The following GNA14 variants were observed in gnomAD, a reference collection of about 807,000 sequenced individuals.
The protein encoded by GNA14 is G protein subunit alpha 14.
In GNA14, 50 loss-of-function variants were observed where a neutral mutation model predicts 42.0. The ratio of observed to expected loss-of-function variants is 1.19; its 90% CI spans 0.95 to 1.51. GNA14 has a LOEUF of 1.51. GNA14 is among the 40% of genes most tolerant of loss of function. The pLI, the probability that GNA14 is intolerant of heterozygous loss-of-function variation, is 0.00. For missense variants in GNA14, 473 were observed against 446.2 expected (o/e 1.06, Z -0.54); for synonymous variants, 173 against 163.1 (o/e 1.06, Z -0.46).
chr9:77,558,247 A>G (rs1240598595), intron 1 of GNA14, among the ~76,000 whole-genome samples: 1 of 152,144 alleles, frequency 6.6e-6, no homozygotes, highest in Non-Finnish European at 1.5e-5. Context: ...TGAAATCTGC[A>G]CTTTCACATT....
chr9:77,448,923 G>A (rs1258432791), intron 2 of GNA14, among the ~76,000 whole-genome samples: 1 of 152,146 alleles, frequency 6.6e-6, no homozygotes, highest in Non-Finnish European at 1.5e-5. Context: ...GTCTTAAACG[G>A]CAATTCCCAG....
chr9:77,434,375 CAG>C lies in GNA14; in HGVS notation c.455_456del (p.Ser152CysfsTer7), dbSNP rs1180123897. On this transcript the variant is annotated frameshift_variant, in exon 3 of 7. Coordinates refer to ENST00000341700, the MANE Select transcript of GNA14 (RefSeq NM_004297.4). LOFTEE classifies it high-confidence loss of function. ...GGTGGGCTCTGTACTCACTATTTGG[CAG>C]AGTCCGACAGCTGGTACTCCCTCCT... Reference protein sequence around the residue: ...DRRREYQLSDSAKYYLTDIDR... With the variant: ...DRRREYQLSDXAKYYLTDIDR... 5.0e-6 allele frequency: 8 copies of C among 1,613,434 alleles called. No individual in the cohort carries two copies. Among genetic ancestry groups the C allele is most frequent in the East Asian group, 2.2e-5 (1 of 44,870 alleles).
chr9:77,543,034 G>A (rs1219093173), intron 1 of GNA14, among the ~76,000 whole-genome samples: 2 of 152,012 alleles, frequency 1.3e-5, no homozygotes, highest in African/African-American at 4.8e-5. Context: ...GAGCTGCTTA[G>A]GGAACTGTGA....
At chr9:77,630,427 A>AGACC (rs376154176) in intron 1 of GNA14, among the ~76,000 whole-genome samples, 1 of 152,284 alleles carries the variant, frequency 6.6e-6, no homozygotes, top group East Asian at 1.9e-4. Flanking sequence ...CAAGAGAGTA[A>AGACC]GATTTATTTA....
intron 2 of GNA14, among the ~76,000 whole-genome samples, chr9:77,477,622 C>G (rs1007176853): frequency 6.6e-6 from 1 of 152,102 alleles, no homozygotes; most frequent in Non-Finnish European, 1.5e-5. Flanking sequence ...AAAGAAGGAA[C>G]AGTCAAAGTT....
chr9:77,549,728 G>C (rs1587826790), intron 1 of GNA14, among the ~76,000 whole-genome samples: 1 of 152,068 alleles, frequency 6.6e-6, no homozygotes, highest in African/African-American at 2.4e-5. Flanking sequence ...CTAAGAGTTG[G>C]GGAAAAGAGC....
intron 1 of GNA14, among the ~76,000 whole-genome samples, chr9:77,576,611 T>G (rs1207884893): frequency 6.6e-6 from 1 of 151,580 alleles, no homozygotes; most frequent in East Asian, 1.9e-4. Flanking sequence ...GGCCAAGAGG[T>G]TAATGTTTCC....
At chr9:77,452,575 T>C (rs1052680949) in intron 2 of GNA14, among the ~76,000 whole-genome samples, 7 of 133,626 alleles carry the variant, frequency 5.2e-5, no homozygotes, top group Admixed American at 1.5e-4. Flanking sequence ...TGTGTGTATG[T>C]GCATGTGTAT....
At chr9:77,626,532 A>T (rs968408833) in intron 1 of GNA14, among the ~76,000 whole-genome samples, 2 of 152,196 alleles carry the variant, frequency 1.3e-5, no homozygotes, top group Admixed American at 1.3e-4. Context: ...AATAATAACA[A>T]ACAGTCTCTC....
At chr9:77,569,150 T>C (rs1158236307) in intron 1 of GNA14, among the ~76,000 whole-genome samples, 2 of 151,498 alleles carry the variant, frequency 1.3e-5, no homozygotes, top group East Asian at 1.9e-4. Flanking sequence ...GAATCTCTTT[T>C]GCCTTTTTTT....
intron 2 of GNA14, among the ~76,000 whole-genome samples, chr9:77,466,071 A>T (rs1244543912): frequency 6.6e-6 from 1 of 152,134 alleles, no homozygotes; most frequent in Non-Finnish European, 1.5e-5. Flanking sequence ...TTCGACTATA[A>T]TGTGTCTGGG....
chr9:77,532,913 A>C (rs974651266), intron 1 of GNA14, among the ~76,000 whole-genome samples: 5 of 152,110 alleles, frequency 3.3e-5, no homozygotes, highest in African/African-American at 1.2e-4. Flanking sequence ...TTTAACTGAA[A>C]GGTGAATTTT....
intron 1 of GNA14, among the ~76,000 whole-genome samples, chr9:77,586,419 G>T (rs1286807127): frequency 6.6e-6 from 1 of 152,126 alleles, no homozygotes; most frequent in East Asian, 1.9e-4. Flanking sequence ...AGTCATTAGA[G>T]AAATGAAAAT....
chr9:77,427,235 C>A (rs781577702), intron 5 of GNA14, among the ~76,000 whole-genome samples: 5 of 151,810 alleles, frequency 3.3e-5, no homozygotes, highest in Non-Finnish European at 7.4e-5. Context: ...CCTTACTAAT[C>A]GTTTGAGTTT....
chr9:77,529,793 A>G (rs1295657284), intron 1 of GNA14, among the ~76,000 whole-genome samples: 2 of 152,164 alleles, frequency 1.3e-5, no homozygotes, highest in Admixed American at 6.5e-5. Flanking sequence ...ACACTTGCAC[A>G]TGGCGGCCAA....
chr9:77,432,273 G>A (rs62571494), intron 3 of GNA14, among the ~76,000 whole-genome samples: 1 of 152,192 alleles, frequency 6.6e-6, no homozygotes, highest in Non-Finnish European at 1.5e-5. Flanking sequence ...AGGTCCGCAT[G>A]CAGGCTAACC....
intron 1 of GNA14, among the ~76,000 whole-genome samples, chr9:77,568,803 AGAG>A (rs1451637596): frequency 1.3e-5 from 2 of 152,204 alleles, no homozygotes; most frequent in African/African-American, 4.8e-5. Flanking sequence ...AGCAGGCTGC[AGAG>A]GAGATGGGGC....
chr9:77,456,154 A>G (rs1404648269), intron 2 of GNA14: 3 of 150,190 alleles, frequency 2.0e-5, no homozygotes, highest in Non-Finnish European at 4.4e-5. Flanking sequence ...CCCTTATTTA[A>G]TAGATAAGGA....
At chr9:77,508,166 C>T (rs1386235610) in intron 2 of GNA14, among the ~76,000 whole-genome samples, 2 of 152,208 alleles carry the variant, frequency 1.3e-5, no homozygotes, top group Admixed American at 6.5e-5. Context: ...CTACTTCCAC[C>T]ATTGCCTCAA....
Sources: allele counts gnomAD v4.1 joint callset (sites outside exome capture counted in the v4.1 genomes callset), GRCh38; gene constraint gnomAD v4.1.1; transcripts MANE v1.5; gene names NCBI Gene and HGNC (gene_info 2026-07-23, HGNC 2026-07-21).